The following SRSF7 variants were observed in gnomAD, a reference collection of about 807,000 sequenced individuals.
The protein encoded by SRSF7 is serine and arginine rich splicing factor 7, also known as serine/arginine-rich splicing factor 7.
SRSF7 carries 15 observed loss-of-function variants against 42.2 expected under a neutral mutation model. The observed-to-expected ratio is 0.36, with a 90% CI of 0.24 to 0.55. The LOEUF is 0.55. Ranked by LOEUF, SRSF7 falls within the 20% of genes least tolerant of loss-of-function variation. The pLI, the probability that SRSF7 is intolerant of heterozygous loss-of-function variation, is 0.88. For synonymous variants in SRSF7, 138 were observed against 107.9 expected, an observed-to-expected ratio of 1.28 and a Z score of -1.73; for missense variants, 181 against 305.9, an observed-to-expected ratio of 0.59 and a Z score of 3.04.
At chr2:38,746,592 G>C in intron 6 of SRSF7, 102 bp downstream of exon 6, 1 of 1,544,550 alleles carries the variant, frequency 6.5e-7, no homozygotes, top group East Asian at 2.2e-5. Flanking sequence ...TAAAACCTAA[G>C]TTTAGAGTTA....
chr2:38,750,571 G>A (rs747855030), intron 1 of SRSF7, among the ~76,000 whole-genome samples: 2 of 151,838 alleles, frequency 1.3e-5, no homozygotes, highest in African/African-American at 2.4e-5. Context: ...GGCCTCGGTA[G>A]GGGCCGGGCC....
chr2:38,750,766 G>A (rs913342415), intron 1 of SRSF7: 1 of 167,162 alleles, frequency 6.0e-6, no homozygotes, highest in East Asian at 1.8e-4. Flanking sequence ...TGTTTGACGA[G>A]AACATGCAGC....
chr2:38,746,907 TACC>T, intron 5 of SRSF7, 160 bp from the exon 6 acceptor site: 1 of 1,263,656 alleles, frequency 7.9e-7, no homozygotes, highest in Non-Finnish European at 1.1e-6. Context: ...AACAAAGTGT[TACC>T]AGACATAAGG....
At position 38,751,361 on chromosome 2, in the gene SRSF7, C is replaced by G; in HGVS notation, c.-105G>C. 2 of 1,509,870 alleles carry G rather than the reference C, an allele frequency of 1.3e-6. No homozygotes were observed. Among genetic ancestry groups the G allele is most frequent in the Non-Finnish European group, 1.8e-6 (2 of 1,092,574 alleles). 93.5% of individuals were successfully genotyped at this position (1,509,870 alleles called of 1,614,324 possible). On this transcript the variant is annotated 5_prime_UTR_variant, in exon 1 of 8. Coordinates refer to ENST00000313117, the MANE Select transcript of SRSF7 (RefSeq NM_001031684.3). ...CCCGCCAAGAGTCCCGGCGGCACTACGAGGAAGAGCCCGGGTTCGCGTTTA... is the reference window on the plus strand; with the variant it reads ...CCCGCCAAGAGTCCCGGCGGCACTAGGAGGAAGAGCCCGGGTTCGCGTTTA...
intron 1 of SRSF7, 133 bp from the exon 2 acceptor site, chr2:38,750,327 A>C (rs1362086157): frequency 2.8e-6 from 2 of 710,674 alleles, no homozygotes; most frequent in African/African-American, 1.8e-5. Context: ...CCAAGACAAA[A>C]CTTAGTCGTA....
At chr2:38,751,121 C>T (rs1159370117) in intron 1 of SRSF7, 108 bp downstream of exon 1, 3 of 1,472,270 alleles carry the variant, frequency 2.0e-6, no homozygotes, top group Non-Finnish European at 2.9e-6. Context: ...TCCTAAGCCG[C>T]CATTACGCAC....
chr2:38,745,034 GTTGAA>G lies in SRSF7; in HGVS notation c.*94_*98del. 8.2e-7 allele frequency: 1 copy of G among 1,213,162 alleles called. No homozygotes were observed. The highest frequency in any genetic ancestry group is 1.5e-5 in the African/African-American group (1 of 65,392). 75.1% of individuals were successfully genotyped at this position (1,213,162 alleles called of 1,614,324 possible). The stretch of plus-strand genomic sequence containing the variant: ...AATCCAGATCCATTTTGATTAGATG[GTTGAA>G]TTATCTTTCCTAGGTTACACTTTAC... On this transcript the variant is annotated 3_prime_UTR_variant, in exon 8 of 8. Coordinates refer to ENST00000313117, the MANE Select transcript of SRSF7 (RefSeq NM_001031684.3).
At chr2:38,749,197 G>A in intron 3 of SRSF7, 1 of 1,340,328 alleles carries the variant, frequency 7.5e-7, no homozygotes, top group Non-Finnish European at 9.9e-7. Flanking sequence ...GGTGAAGCTA[G>A]GTGTAGATGA....
intron 1 of SRSF7, chr2:38,750,675 A>C (rs1402182666): frequency 1.4e-5 from 2 of 143,532 alleles, no homozygotes; most frequent in Admixed American, 1.4e-4. Flanking sequence ...CAGAGCCATA[A>C]ACCGCGCTGG....
chr2:38,749,541 C>CTTT lies in SRSF7; in HGVS notation c.373_374insAAA (p.Arg124_Arg125insGln). ...TTAAAATAAATACCTGCTTCTTCTT[C>CTTT]GCCGGCTGTAACGATGACAATCATA... On this transcript the variant is annotated inframe_insertion, in exon 3 of 8. Transcript: ENST00000313117. The CTTT allele has an allele frequency of 6.4e-7, 1 of 1,568,898 alleles. No homozygotes were observed. Among genetic ancestry groups the CTTT allele is most frequent in the Non-Finnish European group, 8.6e-7 (1 of 1,160,672 alleles).
intron 1 of SRSF7, among the ~76,000 whole-genome samples, chr2:38,750,509 G>A (rs1010495150): frequency 3.3e-5 from 5 of 151,498 alleles, no homozygotes; most frequent in African/African-American, 9.7e-5. Context: ...GGCAGCCCCG[G>A]GCGCACCGGG....
At chr2:38,746,268 C>A in intron 6 of SRSF7, 89 bp from the exon 7 acceptor site, 1 of 1,440,192 alleles carries the variant, frequency 6.9e-7, no homozygotes. Context: ...CCCAAATGTC[C>A]TAAGCTTAAA....
intron 2 of SRSF7, 106 bp downstream of exon 2, chr2:38,749,898 ACTATGACCAG>A: frequency 7.6e-7 from 1 of 1,320,222 alleles, no homozygotes; most frequent in Non-Finnish European, 1.0e-6. Flanking sequence ...AGCATTTAAC[ACTATGACCAG>A]CTATTTAAGG....
At chr2:38,746,974 G>A in intron 5 of SRSF7, 4 of 714,168 alleles carry the variant, frequency 5.6e-6, no homozygotes, top group East Asian at 3.0e-5. Context: ...TTTCTGTACA[G>A]GTATAACATT....
At position 38,744,211 on chromosome 2, in the gene SRSF7, T is replaced by G; in HGVS notation, c.*922A>C. The G allele has an allele frequency of 6.6e-6, 1 of 152,602 alleles. No individual in the cohort carries two copies. The highest frequency in any genetic ancestry group is 2.4e-5 in the African/African-American group (1 of 41,442). 9.5% of individuals were successfully genotyped at this position (152,602 alleles called of 1,614,324 possible). ...GTGGTTGGGAACTGCAAAACCTAGC[T>G]TGAAGATTAACAACAGGTCTTTGCT... is the stretch of plus-strand genomic sequence containing the variant. On this transcript the variant is annotated 3_prime_UTR_variant, in exon 8 of 8. Coordinates refer to ENST00000313117, the MANE Select transcript of SRSF7 (RefSeq NM_001031684.3).
chr2:38,750,273 G>T, intron 1 of SRSF7, 79 bp from the exon 2 acceptor site: 1 of 1,354,016 alleles, frequency 7.4e-7, no homozygotes, highest in South Asian at 1.4e-5. Flanking sequence ...GCCTTAAAAC[G>T]GGCCATCCTC....
chr2:38,748,794 T>C, intron 3 of SRSF7, 141 bp from the exon 4 acceptor site: 1 of 1,205,574 alleles, frequency 8.3e-7, no homozygotes, highest in Non-Finnish European at 1.1e-6. Context: ...CTATTAGTTG[T>C]TGAGTATTTT....
chr2:38,745,553 G>T (rs1022013406), intron 7 of SRSF7, among the ~76,000 whole-genome samples: 1 of 152,010 alleles, frequency 6.6e-6, no homozygotes, highest in Non-Finnish European at 1.5e-5. Flanking sequence ...TGCTCAAGAG[G>T]CTGAGACAGG....
intron 5 of SRSF7, chr2:38,746,953 C>G (rs1467799233): frequency 2.1e-5 from 17 of 802,716 alleles, no homozygotes; most frequent in Non-Finnish European, 3.2e-5. Flanking sequence ...TTCTATCACT[C>G]AATTGGTTAG....
Sources: gnomAD v4.1 joint callset for allele counts (sites outside exome capture counted in the v4.1 genomes callset) on GRCh38, gnomAD v4.1.1 for gene constraint, MANE v1.5 for transcripts, NCBI Gene and HGNC (gene_info 2026-07-23, HGNC 2026-07-21) for gene names.